The following FSTL5 variants were observed in gnomAD, a reference collection of about 807,000 sequenced individuals.
The protein encoded by FSTL5 is follistatin-related protein 5.
FSTL5 carries 62 observed loss-of-function variants against 89.1 expected under a neutral mutation model. That is an observed-to-expected ratio of 0.70 (90% CI 0.57 to 0.86). FSTL5 has a LOEUF of 0.86. Ranked by LOEUF, FSTL5 falls within the 40% of genes least tolerant of loss-of-function variation. The pLI, the probability that FSTL5 is intolerant of heterozygous loss-of-function variation, is 0.00. For synonymous variants in FSTL5, 383 were observed against 346.2 expected (o/e 1.11, Z -1.18); for missense variants, 1,057 against 1,001.6 (o/e 1.06, Z -0.75).
intron 2 of FSTL5, among the ~76,000 whole-genome samples, chr4:162,066,730 G>C (rs1481294029): frequency 6.6e-6 from 1 of 151,706 alleles, no homozygotes; most frequent in East Asian, 2.0e-4. Flanking sequence ...ATGGCTTCCT[G>C]TTTCATCCAT....
At chr4:161,977,903 T>C (rs1735710729) in intron 3 of FSTL5, among the ~76,000 whole-genome samples, 1 of 152,050 alleles carries the variant, frequency 6.6e-6, no homozygotes, top group Non-Finnish European at 1.5e-5. Context: ...TCATAATTCT[T>C]ATGCAGCTGT....
intron 3 of FSTL5, among the ~76,000 whole-genome samples, chr4:162,028,698 T>G (rs1737396336): frequency 6.6e-6 from 1 of 152,200 alleles, no homozygotes; most frequent in African/African-American, 2.4e-5. Flanking sequence ...CTATATTGTA[T>G]TTTGTAAATA....
At chr4:161,887,659 C>T (rs559792057) in intron 4 of FSTL5, among the ~76,000 whole-genome samples, 1 of 152,150 alleles carries the variant, frequency 6.6e-6, no homozygotes, top group East Asian at 1.9e-4. Context: ...GATTTTTCTA[C>T]CTAAAATATG....
chr4:161,942,130 G>A (rs771945378), intron 3 of FSTL5, among the ~76,000 whole-genome samples: 3 of 151,818 alleles, frequency 2.0e-5, no homozygotes, highest in African/African-American at 7.2e-5. Flanking sequence ...ATGAGATGAA[G>A]AGAGAGAAGA....
rs959316670 is a variant in FSTL5 at position 161,385,421 on chromosome 4, C to G, written c.*326G>C. On this transcript the variant is annotated 3_prime_UTR_variant, in exon 16 of 16. Coordinates refer to ENST00000306100, the MANE Select transcript of FSTL5 (RefSeq NM_020116.5). ...AAACTACCCTCAAAATGAAATAATG[C>G]TTTATGTCATCTGAAATTCCCTGCA... 1 of 219,920 alleles carries G rather than the reference C, an allele frequency of 4.5e-6. No homozygotes were observed. The highest frequency in any genetic ancestry group is 9.0e-6 in the Non-Finnish European group (1 of 111,658). The allele number at this position is 219,920 out of a possible 1,614,324, so 13.6% of individuals were successfully genotyped here. A position where few individuals can be genotyped will look rare whatever the true frequency, so the allele number is the denominator to read the frequency against.
At chr4:161,435,119 C>T (rs1423066929) in intron 15 of FSTL5, among the ~76,000 whole-genome samples, 2 of 152,134 alleles carry the variant, frequency 1.3e-5, no homozygotes, top group Non-Finnish European at 2.9e-5. Flanking sequence ...GAGATACCTA[C>T]ACTCCTATGT....
At chr4:161,598,375 A>AAAAC (rs34689880) in intron 7 of FSTL5, among the ~76,000 whole-genome samples, 92,660 of 149,638 alleles carry the variant, frequency 0.62, 29,378 homozygotes, top group South Asian at 0.76. Flanking sequence ...ACCCTGTCTC[A>AAAAC]AAACAAACAA....
At chr4:161,588,644 G>C (rs148432558) in intron 7 of FSTL5, among the ~76,000 whole-genome samples, 3 of 152,226 alleles carry the variant, frequency 2.0e-5, no homozygotes, top group Admixed American at 6.5e-5. Context: ...TCTGGAAATA[G>C]AGAAAGGTTC....
chr4:161,767,698 T>G (rs942974468), intron 5 of FSTL5, among the ~76,000 whole-genome samples: 4 of 152,182 alleles, frequency 2.6e-5, no homozygotes, highest in Non-Finnish European at 5.9e-5. Context: ...GTATTTTTAG[T>G]TCTTTCATTA....
intron 13 of FSTL5, among the ~76,000 whole-genome samples, chr4:161,470,485 T>C (rs1445262967): frequency 6.6e-6 from 1 of 152,204 alleles, no homozygotes; most frequent in Non-Finnish European, 1.5e-5. Flanking sequence ...TTTTTGATTA[T>C]TGTAGCCTTT....
intron 3 of FSTL5, among the ~76,000 whole-genome samples, chr4:161,993,323 GA>G (rs1374710197): frequency 6.6e-6 from 1 of 151,430 alleles, no homozygotes; most frequent in Non-Finnish European, 1.5e-5. Flanking sequence ...GATCAACTAA[GA>G]AAGAAAAAGG....
intron 7 of FSTL5, among the ~76,000 whole-genome samples, chr4:161,618,786 T>C (rs1412168230): frequency 6.6e-6 from 1 of 152,168 alleles, no homozygotes; most frequent in Non-Finnish European, 1.5e-5. Context: ...TAAAATTCAA[T>C]GCCATCCCCA....
chr4:161,975,712 C>T lies in FSTL5; in HGVS notation c.161-55060G>A, dbSNP rs1198570339. Reference sequence around the variant, plus strand: ...GGCACATGTATACATATGTAACTAACCTGCACAATGTGCACATGTACCCTA... The same window carrying T: ...GGCACATGTATACATATGTAACTAATCTGCACAATGTGCACATGTACCCTA... On this transcript the variant is annotated intron_variant, in intron 3 of 15. Transcript: ENST00000306100. Among the ~76,000 whole-genome samples, 4 of 148,280 alleles carry T rather than the reference C, an allele frequency of 2.7e-5. No homozygotes were observed. In the East Asian group the frequency reaches 6.0e-4, roughly 22 times the overall value.
chr4:162,010,638 A>T (rs1483555), intron 3 of FSTL5, among the ~76,000 whole-genome samples: 152,039 of 152,358 alleles, frequency 1, 75,860 homozygotes, highest in Non-Finnish European at 1. Flanking sequence ...ACCACTGTTT[A>T]ATGTTATGTA....
At chr4:161,499,663 T>C (rs1578880120) in intron 12 of FSTL5, among the ~76,000 whole-genome samples, 1 of 152,284 alleles carries the variant, frequency 6.6e-6, no homozygotes, top group East Asian at 1.9e-4. Flanking sequence ...ATGTACAGGA[T>C]ATTTTATTTT....
At chr4:161,574,935 T>C (rs1318082308) in intron 8 of FSTL5, among the ~76,000 whole-genome samples, 2 of 152,204 alleles carry the variant, frequency 1.3e-5, no homozygotes, top group Non-Finnish European at 2.9e-5. Context: ...TCTTCCACAA[T>C]GGTCGAACAA....
chr4:161,487,024 C>T (rs1729704980), intron 12 of FSTL5, among the ~76,000 whole-genome samples: 1 of 152,158 alleles, frequency 6.6e-6, no homozygotes, highest in African/African-American at 2.4e-5. Context: ...CCAACACCTA[C>T]ATAATTCATT....
chr4:161,476,246 G>A (rs1734145637), intron 13 of FSTL5, among the ~76,000 whole-genome samples: 1 of 133,162 alleles, frequency 7.5e-6, no homozygotes, highest in South Asian at 2.4e-4. Context: ...GGAGTGCAAT[G>A]GTGCAATATC....
chr4:161,500,023 C>T lies in FSTL5; in HGVS notation c.1451G>A (p.Gly484Glu). 1.3e-6 allele frequency: 2 copies of T among 1,587,316 alleles called. No homozygotes were observed. The highest frequency in any genetic ancestry group is 3.4e-5 in the Admixed American group (2 of 58,894). The change falls in exon 12 of 16, where the codon GGA becomes GAA. Residue 484 changes from glycine (G) to glutamate (E), a missense_variant. Physicochemically the swap from Gly to Glu is moderately conservative, Grantham distance 98. Transcript: ENST00000306100. ...AACTTTTTAGATACTTGCCTGAAAT[C>T]CAAGGAGCTTTTCACTAGGCTTAAT... Reference protein sequence around the residue: ...RHIKPSEKLLGFQDEVCPKAE... With the variant: ...RHIKPSEKLLEFQDEVCPKAE...
Sources: allele counts gnomAD v4.1 joint callset (sites outside exome capture counted in the v4.1 genomes callset), GRCh38; gene constraint gnomAD v4.1.1; transcripts MANE v1.5; gene names NCBI Gene and HGNC (gene_info 2026-07-23, HGNC 2026-07-21).